NOVA2: variants seen among roughly 807,000 people sequenced by gnomAD.
NOVA2 encodes the protein RNA-binding protein Nova-2.
Under a neutral mutation model 22.5 loss-of-function variants are expected in NOVA2, and 9 were observed. The observed-to-expected ratio is 0.40, with a 90% CI of 0.24 to 0.70. NOVA2 has a LOEUF of 0.70. NOVA2 is among the 30% of genes least tolerant of loss of function. The pLI, the probability that NOVA2 is intolerant of heterozygous loss-of-function variation, is 0.38. For missense variants in NOVA2, 383 were observed against 682.8 expected (o/e 0.56, Z 4.89); for synonymous variants, 318 against 335.2 (o/e 0.95, Z 0.56).
rs1967669654 is a variant in NOVA2, at chr19:45,937,344, GTTCA to G, written c.*2515_*2518del. ...GAGGATGCAAATGATATGCAAATGA[GTTCA>G]TTCAGATCCCACCTCCCCAGTCCCA... is the stretch of plus-strand genomic sequence containing the variant. On this transcript the variant is annotated 3_prime_UTR_variant, in exon 4 of 4. Coordinates refer to ENST00000263257, the MANE Select transcript of NOVA2 (RefSeq NM_002516.4). 1 of 152,208 alleles carries G rather than the reference GTTCA, an allele frequency of 6.6e-6. No individual in the cohort carries two copies. Among genetic ancestry groups the G allele is most frequent in the South Asian group, 2.1e-4 (1 of 4,830 alleles). 9.4% of individuals were successfully genotyped at this position (152,208 alleles called of 1,614,324 possible).
rs1480307307 is a variant in NOVA2, at chr19:45,940,550, A to G, written c.792T>C (p.Phe264=). 6.8e-7 allele frequency: 1 copy of G among 1,480,676 alleles called. No homozygotes were observed. Among genetic ancestry groups the G allele is most frequent in the Non-Finnish European group, 8.9e-7 (1 of 1,118,246 alleles). The allele number at this position is 1,480,676 out of a possible 1,614,324, so 91.7% of individuals were successfully genotyped here. A position where few individuals can be genotyped will look rare whatever the true frequency, so the allele number is the denominator to read the frequency against. Residue 264 remains phenylalanine (F), a synonymous_variant, in exon 4 of 4, where the codon TTT becomes TTC. Transcript: ENST00000263257. ...GPAGLAGVGA[F]PAALPAFSGT... is the part of the protein sequence containing the mutation. ...CTGAGAAGGCGGGCAGCGCGGCGGGAAAGGCCCCCACGCCAGCCAGCCCGG... is the reference window on the plus strand; with the variant it reads ...CTGAGAAGGCGGGCAGCGCGGCGGGGAAGGCCCCCACGCCAGCCAGCCCGG...
Position 45,948,544 on chromosome 19 carries a change from G to A in NOVA2, c.396+5236C>T, listed in dbSNP as rs564259428. Among the ~76,000 whole-genome samples, 37 of 149,548 alleles carry A rather than the reference G, an allele frequency of 2.5e-4. No individual in the cohort carries two copies. The South Asian group carries it at 6.5e-3, about 26-fold the overall frequency. ...GAACCCGGGAGGGGGAGCTTGCAGT[G>A]AGCCGAGATTGCGCCATTGCACTCC... On this transcript the variant is annotated intron_variant, in intron 3 of 3. Transcript: ENST00000263257.
At position 45,940,607 on chromosome 19, in the gene NOVA2, CGACGCTGCGGCCGCGGCT is replaced by C. The variant is rs746470375; in HGVS notation, c.717_734del (p.Ala244_Ala249del). The C allele has an allele frequency of 7.0e-7, 1 of 1,423,614 alleles. No homozygotes were observed. The highest frequency in any genetic ancestry group is 1.5e-5 in the African/African-American group (1 of 66,732). 88.2% of individuals were successfully genotyped at this position (1,423,614 alleles called of 1,614,324 possible). ...CCAGCAGGCCGGAGGCGGCGGCGGC[CGACGCTGCGGCCGCGGCT>C]GGCAGCACATCCGCGGGGCTGGCGT... is the stretch of plus-strand genomic sequence containing the variant. On this transcript the variant is annotated inframe_deletion, in exon 4 of 4. Coordinates refer to ENST00000263257, the MANE Select transcript of NOVA2 (RefSeq NM_002516.4).
intron 1 of NOVA2, among the ~76,000 whole-genome samples, chr19:45,962,771 C>T (rs1259258284): frequency 1.3e-5 from 2 of 152,080 alleles, no homozygotes; most frequent in East Asian, 1.9e-4. Flanking sequence ...CTCAGACTTC[C>T]GAGTAGCTGG....
chr19:45,945,432 T>G (rs1444783295), intron 3 of NOVA2, among the ~76,000 whole-genome samples: 1 of 152,218 alleles, frequency 6.6e-6, no homozygotes, highest in Non-Finnish European at 1.5e-5. Flanking sequence ...ACTTTATTTA[T>G]CATGTATTTT....
chr19:45,965,617 C>A (rs556412537), intron 1 of NOVA2, among the ~76,000 whole-genome samples: 67 of 152,274 alleles, frequency 4.4e-4, no homozygotes, highest in African/African-American at 1.6e-3. Context: ...GTACTCCCAG[C>A]TACTCGGGAG....
chr19:45,961,728 G>C (rs948619579), intron 1 of NOVA2, among the ~76,000 whole-genome samples: 1 of 152,186 alleles, frequency 6.6e-6, no homozygotes, highest in Non-Finnish European at 1.5e-5. Context: ...ATACAGATGA[G>C]GAAACAAAGG....
chr19:45,942,856 C>T (rs1350186889), intron 3 of NOVA2, among the ~76,000 whole-genome samples: 1 of 151,894 alleles, frequency 6.6e-6, no homozygotes, highest in Admixed American at 6.6e-5. Context: ...CACATAAATT[C>T]CTCCCTCTCA....
rs546745010 is a variant in NOVA2, at chr19:45,958,672, AGT to A, written c.229+2336_229+2337del. 4.0e-5 allele frequency among the ~76,000 whole-genome samples: 6 copies of A among 151,592 alleles called. No individual in the cohort carries two copies. The South Asian group carries it at 1.0e-3, about 26-fold the overall frequency. On this transcript the variant is annotated intron_variant, in intron 2 of 3. Coordinates refer to ENST00000263257, the MANE Select transcript of NOVA2 (RefSeq NM_002516.4). ...GTGTGAGTGTGCATGTGAGAGTGTG[AGT>A]GTGTGTGCATGCTAACCTACTAGGC...
intron 2 of NOVA2, among the ~76,000 whole-genome samples, chr19:45,958,355 G>C (rs1002110131): frequency 4.9e-5 from 7 of 143,500 alleles, no homozygotes; most frequent in Non-Finnish European, 9.3e-5. Flanking sequence ...CCCAAGTGCT[G>C]TGTGTGTGTG....
At chr19:45,968,803 G>A (rs1968198564) in intron 1 of NOVA2, among the ~76,000 whole-genome samples, 1 of 152,080 alleles carries the variant, frequency 6.6e-6, no homozygotes, top group African/African-American at 2.4e-5. Flanking sequence ...ACGGTGGCAA[G>A]ATATGAATCC....
chr19:45,942,467 CTGT>C (rs1967774973), intron 3 of NOVA2, among the ~76,000 whole-genome samples: 1 of 151,966 alleles, frequency 6.6e-6, no homozygotes, highest in African/African-American at 2.4e-5. Flanking sequence ...ATATAAATAC[CTGT>C]TGTTTAGACC....
At chr19:45,955,332 C>A (rs912762044) in intron 2 of NOVA2, among the ~76,000 whole-genome samples, 1 of 152,062 alleles carries the variant, frequency 6.6e-6, no homozygotes, top group Non-Finnish European at 1.5e-5. Flanking sequence ...TGTGTGTGAA[C>A]CTGAGAAGGA....
intron 3 of NOVA2, among the ~76,000 whole-genome samples, chr19:45,951,711 C>G (rs1211953344): frequency 3.3e-5 from 5 of 151,984 alleles, no homozygotes; most frequent in Admixed American, 6.6e-5. Context: ...GTGGGAGGAT[C>G]GCTTGAGCCT....
At chr19:45,958,151 C>G in intron 2 of NOVA2, among the ~76,000 whole-genome samples, 1 of 150,632 alleles carries the variant, frequency 6.6e-6, no homozygotes, top group East Asian at 1.9e-4. Flanking sequence ...CAGGGTGGAT[C>G]TGGGCTGACG....
intron 1 of NOVA2, among the ~76,000 whole-genome samples, chr19:45,964,447 G>C (rs1051584383): frequency 6.7e-6 from 1 of 150,134 alleles, no homozygotes; most frequent in African/African-American, 2.5e-5. Flanking sequence ...GCTAACATGT[G>C]CTGAGATTAC....
intron 3 of NOVA2, among the ~76,000 whole-genome samples, chr19:45,951,247 C>T (rs903167430): frequency 4.6e-5 from 7 of 151,810 alleles, no homozygotes; most frequent in African/African-American, 1.2e-4. Flanking sequence ...GGAGCTGAGG[C>T]GGGTGGATTG....
intron 3 of NOVA2, among the ~76,000 whole-genome samples, chr19:45,942,748 C>T (rs548202853): frequency 6.6e-6 from 1 of 152,216 alleles, no homozygotes; most frequent in East Asian, 1.9e-4. Flanking sequence ...CCTTCAACCA[C>T]CCATTTGTCC....
intron 1 of NOVA2, 142 bp downstream of exon 1, chr19:45,973,125 T>C (rs1481690958): frequency 1.4e-5 from 2 of 139,388 alleles, no homozygotes; most frequent in African/African-American, 3.1e-5. Flanking sequence ...CCTCCTCAAC[T>C]CCCCGCTCTG....
Sources: gnomAD v4.1 joint callset for allele counts (sites outside exome capture counted in the v4.1 genomes callset) on GRCh38, gnomAD v4.1.1 for gene constraint, MANE v1.5 for transcripts, NCBI Gene and HGNC (gene_info 2026-07-23, HGNC 2026-07-21) for gene names.